The following ARHGAP15 variants were observed in gnomAD, a reference collection of about 807,000 sequenced individuals.
ARHGAP15 encodes the protein Rho GTPase activating protein 15, also known as rho GTPase-activating protein 15.
In ARHGAP15, 51 loss-of-function variants were observed where a neutral mutation model predicts 63.7. The observed-to-expected ratio is 0.80, with a 90% CI of 0.64 to 1.01. The LOEUF is 1.01. Ranked by LOEUF, ARHGAP15 falls within the 50% of genes least tolerant of loss-of-function variation. ARHGAP15 has a pLI of 0.00. For synonymous variants in ARHGAP15, 191 were observed against 193.8 expected (o/e 0.99, Z 0.12); for missense variants, 560 against 564.6 (o/e 0.99, Z 0.08).
chr2:143,376,688 A>C (rs965638795), intron 6 of ARHGAP15, among the ~76,000 whole-genome samples: 1 of 151,876 alleles, frequency 6.6e-6, no homozygotes, highest in Non-Finnish European at 1.5e-5. Flanking sequence ...CATTAATATT[A>C]TAATAATTTA....
At chr2:143,649,046 A>T (rs1280677979) in intron 12 of ARHGAP15, among the ~76,000 whole-genome samples, 1 of 152,038 alleles carries the variant, frequency 6.6e-6, no homozygotes, top group Non-Finnish European at 1.5e-5. Context: ...TAGTCAATGT[A>T]CGTGAGTCTT....
intron 12 of ARHGAP15, among the ~76,000 whole-genome samples, chr2:143,639,924 A>C (rs1680526657): frequency 6.6e-6 from 1 of 152,154 alleles, no homozygotes; most frequent in Admixed American, 6.6e-5. Flanking sequence ...ATAAGACCAC[A>C]GATCTTAATA....
intron 13 of ARHGAP15, among the ~76,000 whole-genome samples, chr2:143,763,794 T>C (rs1057007349): frequency 4.7e-5 from 7 of 148,018 alleles, no homozygotes; most frequent in Non-Finnish European, 1.0e-4. Context: ...AAATTTTATG[T>C]ATATATTTAT....
chr2:143,256,026 TTG>T (rs1487780719), intron 6 of ARHGAP15, among the ~76,000 whole-genome samples: 2 of 152,074 alleles, frequency 1.3e-5, no homozygotes, highest in Non-Finnish European at 1.5e-5. Context: ...GCTATGTCAG[TTG>T]TAACTTTATG....
intron 10 of ARHGAP15, among the ~76,000 whole-genome samples, chr2:143,552,781 G>T (rs1287641018): frequency 6.6e-6 from 1 of 151,964 alleles, no homozygotes; most frequent in Non-Finnish European, 1.5e-5. Context: ...TAGTTTTATC[G>T]TGTTCCCAAA....
chr2:143,298,676 C>G (rs768372722), intron 6 of ARHGAP15, among the ~76,000 whole-genome samples: 6 of 151,780 alleles, frequency 4.0e-5, no homozygotes, highest in African/African-American at 1.5e-4. Flanking sequence ...TAATAAAATC[C>G]ACATGCATGG....
At chr2:143,745,201 G>A (rs1056053924) in intron 13 of ARHGAP15, among the ~76,000 whole-genome samples, 3 of 152,160 alleles carry the variant, frequency 2.0e-5, no homozygotes, top group Non-Finnish European at 4.4e-5. Context: ...AGATGTATCT[G>A]GTTACCTTTT....
At chr2:143,316,220 CCAAT>C (rs1240464485) in intron 6 of ARHGAP15, among the ~76,000 whole-genome samples, 2 of 152,094 alleles carry the variant, frequency 1.3e-5, no homozygotes, top group South Asian at 2.1e-4. Flanking sequence ...CACCAACCAA[CCAAT>C]CAATCATCAT....
intron 1 of ARHGAP15, among the ~76,000 whole-genome samples, chr2:143,146,881 A>C (rs1484883096): frequency 6.6e-6 from 1 of 152,076 alleles, no homozygotes; most frequent in Non-Finnish European, 1.5e-5. Context: ...CAAATTTGCT[A>C]AATAAAACAA....
At chr2:143,642,727 G>A (rs1160911462) in intron 12 of ARHGAP15, among the ~76,000 whole-genome samples, 1 of 152,118 alleles carries the variant, frequency 6.6e-6, no homozygotes, top group Non-Finnish European at 1.5e-5. Context: ...ACAGAAGGGA[G>A]AGACAAAAAT....
At chr2:143,241,644 A>G (rs13007991) in intron 5 of ARHGAP15, among the ~76,000 whole-genome samples, 25,547 of 152,202 alleles carry the variant, frequency 0.17, 2,327 homozygotes, top group Middle Eastern at 0.24. Context: ...TTCAGCTGGC[A>G]AGCTGCTTCC....
At chr2:143,557,502 CAG>C (rs971362471) in intron 11 of ARHGAP15, among the ~76,000 whole-genome samples, 3 of 151,914 alleles carry the variant, frequency 2.0e-5, no homozygotes, top group Non-Finnish European at 4.4e-5. Context: ...TAGGTGAGCA[CAG>C]GGGATTTTGA....
At chr2:143,403,896 G>A (rs955580286) in intron 6 of ARHGAP15, among the ~76,000 whole-genome samples, 7 of 150,130 alleles carry the variant, frequency 4.7e-5, no homozygotes, top group Non-Finnish European at 7.4e-5. Context: ...CAAGACTCTC[G>A]GGAGCTGCAC....
intron 5 of ARHGAP15, among the ~76,000 whole-genome samples, chr2:143,245,386 T>C (rs1195859836): frequency 6.6e-6 from 1 of 152,216 alleles, no homozygotes; most frequent in Non-Finnish European, 1.5e-5. Context: ...TCAAGTCAGA[T>C]GCAGATGGGG....
At chr2:143,442,030 G>A (rs1256095846) in intron 8 of ARHGAP15, among the ~76,000 whole-genome samples, 1 of 152,086 alleles carries the variant, frequency 6.6e-6, no homozygotes. Flanking sequence ...AACTTGAATT[G>A]AGAGAGTTAC....
chr2:143,139,178 A>G (rs1206911732), intron 1 of ARHGAP15, among the ~76,000 whole-genome samples: 1 of 152,076 alleles, frequency 6.6e-6, no homozygotes, highest in Non-Finnish European at 1.5e-5. Flanking sequence ...TAAACTGATT[A>G]TGTCCCACAT....
chr2:143,402,793 C>T (rs1688039233), intron 6 of ARHGAP15, among the ~76,000 whole-genome samples: 1 of 151,858 alleles, frequency 6.6e-6, no homozygotes, highest in Non-Finnish European at 1.5e-5. Context: ...AGATTCCTGG[C>T]ATCTAATAGA....
chr2:143,730,448 C>T (rs1473479979), intron 13 of ARHGAP15, among the ~76,000 whole-genome samples: 7 of 152,108 alleles, frequency 4.6e-5, no homozygotes, highest in Non-Finnish European at 1.0e-4. Flanking sequence ...TATACTATTC[C>T]GTATTGGACA....
intron 12 of ARHGAP15, among the ~76,000 whole-genome samples, chr2:143,680,321 A>G (rs976631152): frequency 2.0e-5 from 3 of 152,260 alleles, no homozygotes; most frequent in Non-Finnish European, 4.4e-5. Context: ...TAAATCTAGC[A>G]ATTTTATACA....
Sources: gnomAD v4.1 joint callset for allele counts (sites outside exome capture counted in the v4.1 genomes callset) on GRCh38, gnomAD v4.1.1 for gene constraint, MANE v1.5 for transcripts, NCBI Gene and HGNC (gene_info 2026-07-23, HGNC 2026-07-21) for gene names.